The following KCNJ6 variants were observed in gnomAD, a reference collection of about 807,000 sequenced individuals.
KCNJ6 encodes the protein G protein-activated inward rectifier potassium channel 2.
Under a neutral mutation model 34.2 loss-of-function variants are expected in KCNJ6, and 9 were observed. The observed-to-expected ratio is 0.26, with a 90% confidence interval of 0.16 to 0.46. The LOEUF is 0.46. Ranked by LOEUF, KCNJ6 falls within the 20% of genes least tolerant of loss-of-function variation. KCNJ6 has a pLI of 1.00. For missense variants in KCNJ6, 236 were observed against 531.3 expected (o/e 0.44, Z 5.46); for synonymous variants, 196 against 207.1 (o/e 0.95, Z 0.46).
In KCNJ6 at chr21:37,714,143, A is replaced by G; in HGVS notation, c.946+68T>C. 1 of 1,094,254 alleles carries G rather than the reference A, an allele frequency of 9.1e-7. No individual in the cohort carries two copies. Among genetic ancestry groups the G allele is most frequent in the South Asian group, 1.5e-5 (1 of 68,832 alleles). The allele number at this position is 1,094,254 out of a possible 1,614,324, so 67.8% of individuals were successfully genotyped here. A position where few individuals can be genotyped will look rare whatever the true frequency, so the allele number is the denominator to read the frequency against. ...CAGTATTCTAGATCTTGTAATAGATAAGAACATCAGGTCCAGTTTAAAATG... is the reference window on the plus strand; with the variant it reads ...CAGTATTCTAGATCTTGTAATAGATGAGAACATCAGGTCCAGTTTAAAATG... On this transcript the variant is annotated intron_variant, in intron 3 of 3. Coordinates refer to ENST00000609713, the MANE Select transcript of KCNJ6 (RefSeq NM_002240.5). The surrounding 1 kb of genome is among the most constrained non-coding windows in gnomAD (Gnocchi z 5.9).
chr21:37,801,341 T>G (rs1348505367), intron 2 of KCNJ6, among the ~76,000 whole-genome samples: 1 of 152,198 alleles, frequency 6.6e-6, no homozygotes, highest in South Asian at 2.1e-4. Context: ...TGCCGCATGC[T>G]TTTCTCCAAG....
rs1385849533 is a variant in KCNJ6 at position 37,611,790 on chromosome 21, A to T, written c.*13369T>A. On this transcript the variant is annotated 3_prime_UTR_variant, in exon 4 of 4. Transcript: ENST00000609713. ...ATCCAAACAGTCTTTCATGATAAAA[A>T]CACTCAGTAAAGCAGGAATAGAGGA... 6.6e-6 allele frequency: 1 copy of T among 152,150 alleles called. No individual in the cohort carries two copies. Among genetic ancestry groups the T allele is most frequent in the African/African-American group, 2.4e-5 (1 of 41,438 alleles). The allele number at this position is 152,150 out of a possible 1,614,324, so 9.4% of individuals were successfully genotyped here. A position where few individuals can be genotyped will look rare whatever the true frequency, so the allele number is the denominator to read the frequency against.
At chr21:37,768,787 T>C (rs547445988) in intron 2 of KCNJ6, among the ~76,000 whole-genome samples, 26 of 152,370 alleles carry the variant, frequency 1.7e-4, no homozygotes, top group African/African-American at 5.5e-4. Flanking sequence ...TTTTTCTCTA[T>C]GCTTTTCTGT....
In KCNJ6 at chr21:37,617,052, C is replaced by CTTTCT. The variant is rs1380945038; in HGVS notation, c.*8106_*8107insAGAAA. On this transcript the variant is annotated 3_prime_UTR_variant, in exon 4 of 4. Coordinates refer to ENST00000609713, the MANE Select transcript of KCNJ6 (RefSeq NM_002240.5). ...TCTTTCTTTCTTTCTTTCTTTCTTT[C>CTTTCT]TTTTCTTTTCTTTTCTTTTCTTTTC... is the stretch of plus-strand genomic sequence containing the variant. The CTTTCT allele has an allele frequency of 2.7e-5, 2 of 74,126 alleles. No individual in the cohort carries two copies. The highest frequency in any genetic ancestry group is 5.7e-4 in the South Asian group (1 of 1,754). The allele number at this position is 74,126 out of a possible 1,614,324, so 4.6% of individuals were successfully genotyped here.
intron 3 of KCNJ6, among the ~76,000 whole-genome samples, chr21:37,667,665 A>G (rs1357384847): frequency 6.8e-6 from 1 of 147,828 alleles, no homozygotes; most frequent in Non-Finnish European, 1.5e-5. Context: ...GCCGGGTAGC[A>G]GGTCCGGGGT....
At chr21:37,827,753 T>A (rs749744383) in intron 2 of KCNJ6, among the ~76,000 whole-genome samples, 4 of 152,220 alleles carry the variant, frequency 2.6e-5, no homozygotes, top group Non-Finnish European at 5.9e-5. Context: ...AATATATGAA[T>A]ATATTATCTC....
intron 2 of KCNJ6, among the ~76,000 whole-genome samples, chr21:37,740,511 C>G (rs749635834): frequency 2.0e-5 from 3 of 152,188 alleles, no homozygotes; most frequent in Non-Finnish European, 2.9e-5. Context: ...AACCCCCCTC[C>G]TTTGAGTTGT....
intron 1 of KCNJ6, among the ~76,000 whole-genome samples, chr21:37,890,411 A>G (rs981469147): frequency 6.6e-6 from 1 of 152,200 alleles, no homozygotes; most frequent in African/African-American, 2.4e-5. Flanking sequence ...TTGGGTGGGA[A>G]CACAGCCAAA....
chr21:37,652,449 G>A (rs1203625467), intron 3 of KCNJ6, among the ~76,000 whole-genome samples: 1 of 152,220 alleles, frequency 6.6e-6, no homozygotes, highest in Non-Finnish European at 1.5e-5. Flanking sequence ...GGGGCAGAAA[G>A]AGCCAAGGTT....
At chr21:37,876,360 G>A (rs887229804) in intron 1 of KCNJ6, among the ~76,000 whole-genome samples, 7 of 152,104 alleles carry the variant, frequency 4.6e-5, no homozygotes, top group African/African-American at 1.4e-4. Flanking sequence ...AGAGAGCCAG[G>A]ATTCAAATCC....
At chr21:37,899,061 C>T (rs2123643120) in intron 1 of KCNJ6, among the ~76,000 whole-genome samples, 2 of 152,252 alleles carry the variant, frequency 1.3e-5, no homozygotes, top group East Asian at 3.9e-4. Context: ...TATTTCCCTC[C>T]TTCTGTTAAG....
At chr21:37,728,203 C>A (rs146534387) in intron 2 of KCNJ6, among the ~76,000 whole-genome samples, 1 of 152,152 alleles carries the variant, frequency 6.6e-6, no homozygotes, top group Admixed American at 6.5e-5. Context: ...AAGCCAGACA[C>A]GAAAGGACAA....
At chr21:37,837,114 C>T (rs919515162) in intron 2 of KCNJ6, among the ~76,000 whole-genome samples, 2 of 151,956 alleles carry the variant, frequency 1.3e-5, no homozygotes, top group East Asian at 1.9e-4. Flanking sequence ...CATCATATAC[C>T]GTACATATAT....
At chr21:37,715,358 A>G (rs1380061084) in intron 2 of KCNJ6, among the ~76,000 whole-genome samples, 1 of 152,190 alleles carries the variant, frequency 6.6e-6, no homozygotes, top group Non-Finnish European at 1.5e-5. Context: ...CATCCTGCCC[A>G]CCAGGACGGA....
chr21:37,819,956 T>TG (rs960775819), intron 2 of KCNJ6, among the ~76,000 whole-genome samples: 4 of 151,482 alleles, frequency 2.6e-5, no homozygotes, highest in Admixed American at 1.3e-4. Context: ...GGCTAATTTT[T>TG]TTTGTATTTT....
intron 3 of KCNJ6, among the ~76,000 whole-genome samples, chr21:37,707,380 T>C (rs572121205): frequency 1.5e-4 from 23 of 152,314 alleles, no homozygotes; most frequent in African/African-American, 5.5e-4. Context: ...GAGGAAGAGA[T>C]GATCTGCTCT....
chr21:37,795,839 G>C (rs1171905409), intron 2 of KCNJ6, among the ~76,000 whole-genome samples: 1 of 151,978 alleles, frequency 6.6e-6, no homozygotes, highest in Non-Finnish European at 1.5e-5. Flanking sequence ...AGGGCCTCAA[G>C]AATGTTTTTG....
At chr21:37,816,758 A>C (rs747967575) in intron 2 of KCNJ6, among the ~76,000 whole-genome samples, 7 of 152,146 alleles carry the variant, frequency 4.6e-5, no homozygotes, top group Non-Finnish European at 7.4e-5. Flanking sequence ...GTTTGGGGTT[A>C]GATGTGATTG....
chr21:37,827,324 T>C (rs1276368600), intron 2 of KCNJ6, among the ~76,000 whole-genome samples: 1 of 152,292 alleles, frequency 6.6e-6, no homozygotes, highest in East Asian at 1.9e-4. Context: ...ATCACTAGTA[T>C]TTAGCAATGA....
Sources: gnomAD v4.1 joint callset for allele counts (sites outside exome capture counted in the v4.1 genomes callset) on GRCh38, gnomAD v4.1.1 for gene constraint, Gnocchi (gnomAD v3.1) non-coding constraint, MANE v1.5 for transcripts, NCBI Gene and HGNC (gene_info 2026-07-23, HGNC 2026-07-21) for gene names.